Variants in PARD3 observed in about 807,000 individuals in gnomAD.
PARD3 encodes the protein par-3 family cell polarity regulator.
PARD3 carries 75 observed loss-of-function variants against 155.4 expected under a neutral mutation model. The ratio of observed to expected loss-of-function variants is 0.48; its 90% CI spans 0.40 to 0.58. The LOEUF (loss-of-function observed/expected upper bound fraction) is 0.58. Ranked by LOEUF, PARD3 falls within the 20% of genes least tolerant of loss-of-function variation. PARD3 has a pLI of 0.00. For missense variants in PARD3, 1,642 were observed against 1,721.7 expected (o/e 0.95, Z 0.82); for synonymous variants, 576 against 610.5 (o/e 0.94, Z 0.83).
intron 21 of PARD3, among the ~76,000 whole-genome samples, chr10:34,277,439 G>A (rs1302970845): frequency 1.3e-5 from 2 of 152,130 alleles, no homozygotes; most frequent in African/African-American, 4.8e-5. Context: ...CCAAAAGAGA[G>A]ATACTATTCC....
intron 2 of PARD3, among the ~76,000 whole-genome samples, chr10:34,651,629 C>G (rs539400959): frequency 1.3e-5 from 2 of 152,292 alleles, no homozygotes; most frequent in South Asian, 4.1e-4. Context: ...CCAGGCCATG[C>G]TGGTTGTTTT....
intron 24 of PARD3, among the ~76,000 whole-genome samples, chr10:34,115,547 A>ATT (rs1416411708): frequency 6.6e-6 from 1 of 152,184 alleles, no homozygotes; most frequent in Non-Finnish European, 1.5e-5. Context: ...ATAACAGAGT[A>ATT]TTGTACATTT....
At chr10:34,520,083 A>C (rs998232415) in intron 2 of PARD3, among the ~76,000 whole-genome samples, 6 of 152,112 alleles carry the variant, frequency 3.9e-5, no homozygotes, top group Non-Finnish European at 5.9e-5. Context: ...TCAGGTCAAA[A>C]ACAGAAACGC....
chr10:34,556,223 C>G (rs976904372), intron 2 of PARD3, among the ~76,000 whole-genome samples: 1 of 152,138 alleles, frequency 6.6e-6, no homozygotes, highest in Non-Finnish European at 1.5e-5. Context: ...CCCGGTAGTA[C>G]CGTTACAACA....
intron 22 of PARD3, among the ~76,000 whole-genome samples, chr10:34,191,430 G>A (rs1950701781): frequency 1.3e-5 from 2 of 152,216 alleles, no homozygotes; most frequent in Admixed American, 6.5e-5. Context: ...AAGTATCAAC[G>A]AATCAAAGAG....
At chr10:34,407,705 C>A (rs183734959) in intron 5 of PARD3, among the ~76,000 whole-genome samples, 1 of 151,986 alleles carries the variant, frequency 6.6e-6, no homozygotes, top group African/African-American at 2.4e-5. Context: ...TGGTGGCGTG[C>A]GCCTGTAGTC....
chr10:34,487,470 T>C (rs1177615633), intron 3 of PARD3, among the ~76,000 whole-genome samples: 2 of 152,096 alleles, frequency 1.3e-5, no homozygotes, highest in Non-Finnish European at 2.9e-5. Context: ...CCTTTTCACA[T>C]TGATTGTCTC....
chr10:34,287,943 G>T (rs1228657788), intron 20 of PARD3, among the ~76,000 whole-genome samples: 1 of 152,156 alleles, frequency 6.6e-6, no homozygotes, highest in Non-Finnish European at 1.5e-5. Flanking sequence ...AGGTGCAGTG[G>T]CTCATGCCTG....
chr10:34,517,356 C>A (rs183221562), intron 2 of PARD3, among the ~76,000 whole-genome samples, 197 bp from the exon 3 acceptor site: 1 of 152,028 alleles, frequency 6.6e-6, no homozygotes, highest in Non-Finnish European at 1.5e-5. Flanking sequence ...AATTCTAAGT[C>A]GTACATTTCA....
chr10:34,735,747 T>C (rs184852837), intron 1 of PARD3, among the ~76,000 whole-genome samples: 1 of 152,346 alleles, frequency 6.6e-6, no homozygotes, highest in Non-Finnish European at 1.5e-5. Context: ...CCCTTATTTT[T>C]TATTCCTTTT....
chr10:34,490,181 C>T (rs1366710538), intron 3 of PARD3, among the ~76,000 whole-genome samples: 2 of 152,180 alleles, frequency 1.3e-5, no homozygotes, highest in East Asian at 3.8e-4. Context: ...GAAGAAAAGA[C>T]ACTATTCATT....
chr10:34,290,884 G>C (rs1281517804), intron 20 of PARD3, among the ~76,000 whole-genome samples: 1 of 152,184 alleles, frequency 6.6e-6, no homozygotes, highest in Non-Finnish European at 1.5e-5. Flanking sequence ...ACCCTGTCCT[G>C]TGTCATTCCT....
intron 1 of PARD3, among the ~76,000 whole-genome samples, chr10:34,762,278 G>C (rs1282076451): frequency 1.4e-5 from 2 of 138,076 alleles, no homozygotes; most frequent in South Asian, 5.5e-4. Flanking sequence ...GAGAGACAAA[G>C]AGACAGAGAG....
chr10:34,271,973 T>G (rs1365852275), intron 21 of PARD3, among the ~76,000 whole-genome samples: 2 of 152,200 alleles, frequency 1.3e-5, no homozygotes, highest in Non-Finnish European at 2.9e-5. Context: ...CAGATACACA[T>G]CTATAAGCCA....
At chr10:34,116,961 T>G (rs2132658124) in intron 24 of PARD3, among the ~76,000 whole-genome samples, 1 of 152,044 alleles carries the variant, frequency 6.6e-6, no homozygotes, top group Middle Eastern at 3.4e-3. Flanking sequence ...GGGAGAGGAA[T>G]GGGAAGGCGA....
chr10:34,308,462 A>C (rs538630020), intron 20 of PARD3, among the ~76,000 whole-genome samples: 1 of 152,186 alleles, frequency 6.6e-6, no homozygotes, highest in Non-Finnish European at 1.5e-5. Context: ...TTTTGCTTTT[A>C]TACATTCTTA....
chr10:34,390,248 G>C (rs1842757995), intron 7 of PARD3, among the ~76,000 whole-genome samples: 2 of 151,942 alleles, frequency 1.3e-5, no homozygotes, highest in African/African-American at 4.8e-5. Context: ...TGTGTATTGG[G>C]ATTCTCAATT....
At chr10:34,446,385 T>C (rs894042969) in intron 5 of PARD3, among the ~76,000 whole-genome samples, 5 of 152,160 alleles carry the variant, frequency 3.3e-5, no homozygotes, top group African/African-American at 1.2e-4. Context: ...CCAGCCCTGA[T>C]TCTAAGCCTT....
chr10:34,120,381 T>C (rs976623647), intron 23 of PARD3, among the ~76,000 whole-genome samples: 1 of 151,826 alleles, frequency 6.6e-6, no homozygotes, highest in Non-Finnish European at 1.5e-5. Context: ...ACAGAGCAGA[T>C]ACAATAAGAA....
Sources: gnomAD v4.1 joint callset for allele counts (sites outside exome capture counted in the v4.1 genomes callset) on GRCh38, gnomAD v4.1.1 for gene constraint, MANE v1.5 for transcripts, NCBI Gene and HGNC (gene_info 2026-07-23, HGNC 2026-07-21) for gene names.